Variants in CCNT2 observed in about 807,000 individuals in gnomAD.
CCNT2 encodes the protein cyclin-T2.
Under a neutral mutation model 70.0 loss-of-function variants are expected in CCNT2, and 18 were observed. That is an observed-to-expected ratio of 0.26 (90% CI 0.18 to 0.38). The LOEUF is 0.38. Ranked by LOEUF, CCNT2 falls within the 10% of genes least tolerant of loss-of-function variation. CCNT2 has a pLI of 1.00. For missense variants in CCNT2, 734 were observed against 890.2 expected, an observed-to-expected ratio of 0.82 and a Z score of 2.23; for synonymous variants, 334 against 313.3, an observed-to-expected ratio of 1.07 and a Z score of -0.70.
chr2:134,926,314 C>T (rs973662342), intron 2 of CCNT2, among the ~76,000 whole-genome samples: 2 of 152,150 alleles, frequency 1.3e-5, no homozygotes, highest in African/African-American at 2.4e-5. Flanking sequence ...ACAGAGCTCC[C>T]TTTTCTGTTA....
At chr2:134,935,297 A>C (rs947379027) in intron 2 of CCNT2, among the ~76,000 whole-genome samples, 1 of 152,356 alleles carries the variant, frequency 6.6e-6, no homozygotes, top group African/African-American at 2.4e-5. Context: ...GCCAAACTCT[A>C]TTTTACATCT....
chr2:134,927,370 A>G (rs1050850764), intron 2 of CCNT2, among the ~76,000 whole-genome samples: 1 of 152,034 alleles, frequency 6.6e-6, no homozygotes, highest in African/African-American at 2.4e-5. Context: ...ACACAGATAC[A>G]TGTATATTTT....
Position 134,938,208 on chromosome 2 carries a change from CTG to C in CCNT2, c.370-792_370-791del, listed in dbSNP as rs971518543. Among the ~76,000 whole-genome samples the C allele has an allele frequency of 3.3e-5, 5 of 152,194 alleles. No individual in the cohort carries two copies. The East Asian group carries it at 5.8e-4, about 18-fold the overall frequency. On this transcript the variant is annotated intron_variant, in intron 3 of 8. Coordinates refer to ENST00000264157, the MANE Select transcript of CCNT2 (RefSeq NM_058241.3). ...GTACTGTTTAAATAATAGAAATTGA[CTG>C]TTTTAAAAATCAGCTCAATGACCTT... is the stretch of plus-strand genomic sequence containing the variant.
In CCNT2 at chr2:134,953,573, C is replaced by G; in HGVS notation, c.1118C>G (p.Ser373Cys). ...TCACAGAAACAGGAGACATCTTTGT[C>G]TGGTAGCCAGTACAACATCAACTTC... ...LYSQKQETSL[S>C]GSQYNINFQQ... is the part of the protein sequence containing the mutation. Residue 373 changes from serine to cysteine, a missense_variant, in exon 9 of 9, where the codon TCT becomes TGT. This residue lies in a region of CCNT2 where 532 missense variants were observed against 556.9 expected (regional missense o/e 0.96). Coordinates refer to ENST00000264157, the MANE Select transcript of CCNT2 (RefSeq NM_058241.3). 6.2e-7 allele frequency: 1 copy of G among 1,614,126 alleles called. No individual in the cohort carries two copies. Among genetic ancestry groups the G allele is most frequent in the Non-Finnish European group, 8.5e-7 (1 of 1,179,984 alleles).
intron 2 of CCNT2, among the ~76,000 whole-genome samples, chr2:134,921,964 T>C (rs1027275775): frequency 2.6e-5 from 4 of 152,306 alleles, no homozygotes; most frequent in African/African-American, 9.6e-5. Context: ...ATCTGTTGTC[T>C]TTTTTTACCT....
intron 7 of CCNT2, among the ~76,000 whole-genome samples, chr2:134,949,577 A>G (rs772808964): frequency 3.3e-5 from 5 of 152,166 alleles, no homozygotes; most frequent in African/African-American, 4.8e-5. Flanking sequence ...CCCAGAATAT[A>G]TATCTCATGC....
chr2:134,945,920 G>C, intron 5 of CCNT2, 181 bp from the exon 6 acceptor site: 1 of 1,531,290 alleles, frequency 6.5e-7, no homozygotes, highest in East Asian at 2.5e-5. Flanking sequence ...ACATTTGAGT[G>C]AATGTTGTTG....
chr2:134,946,307 A>G, intron 6 of CCNT2, 161 bp downstream of exon 6: 1 of 1,175,670 alleles, frequency 8.5e-7, no homozygotes, highest in Non-Finnish European at 1.2e-6. Flanking sequence ...TGTACAAGGG[A>G]CTTTGGGCAC....
At chr2:134,948,649 G>T (rs1279623732) in intron 7 of CCNT2, among the ~76,000 whole-genome samples, 1 of 152,062 alleles carries the variant, frequency 6.6e-6, no homozygotes, top group East Asian at 1.9e-4. Flanking sequence ...AAGCCGGCCA[G>T]AAATGGGAGA....
chr2:134,942,619 G>A lies in CCNT2; in HGVS notation c.438G>A (p.Glu146=). ...AAGTGCTTATCATTTCAGGTTTTGA[G>A]ATCACCATTGAACACCCACACACAG... ...ETIMLQTLGF[E]ITIEHPHTDV... The change falls in exon 5 of 9, where the codon GAG becomes GAA. Residue 146 remains glutamate, a synonymous_variant. Transcript: ENST00000264157. 6.2e-7 allele frequency: 1 copy of A among 1,610,394 alleles called. No individual in the cohort carries two copies. The highest frequency in any genetic ancestry group is 1.1e-5 in the South Asian group (1 of 90,470).
chr2:134,952,683 A>G lies in CCNT2; in HGVS notation c.746A>G (p.Asn249Ser). 1 of 1,606,988 alleles carries G rather than the reference A, an allele frequency of 6.2e-7. No individual in the cohort carries two copies. The highest frequency in any genetic ancestry group is 1.1e-5 in the South Asian group (1 of 89,904). The change falls in exon 8 of 9, where the codon AAT (asparagine) becomes AGT (serine). Residue 249 changes from asparagine (N) to serine (S), a missense_variant. Around this residue, in one of 3 missense-constraint regions of CCNT2, gnomAD observed 161 missense variants for 303.8 expected, o/e 0.53. Coordinates refer to ENST00000264157, the MANE Select transcript of CCNT2 (RefSeq NM_058241.3). ...CTACAAATATTGGAGAAAACGCCTA[A>G]TAGGTTGAAGAAGATTCGAAACTGG... ...EFLQILEKTPNRLKKIRNWRA... is the reference protein window; with the variant it reads ...EFLQILEKTPSRLKKIRNWRA...
Position 134,919,760 on chromosome 2 carries a change from G to A in CCNT2, c.159-50G>A, listed in dbSNP as rs367672272. 108 of 1,389,244 alleles carry A rather than the reference G, an allele frequency of 7.8e-5. No homozygotes were observed. The African/African-American group carries it at 1.4e-3, about 18-fold the overall frequency. The allele number at this position is 1,389,244 out of a possible 1,614,324, so 86.1% of individuals were successfully genotyped here. Reference sequence around the variant, plus strand: ...GGGAATTTTCCATCAAAATTGTTCTGGGAATGAGATCTTGCTTTTGTCAGA... The same window carrying A: ...GGGAATTTTCCATCAAAATTGTTCTAGGAATGAGATCTTGCTTTTGTCAGA... On this transcript the variant is annotated intron_variant, in intron 1 of 8. Coordinates refer to ENST00000264157, the MANE Select transcript of CCNT2 (RefSeq NM_058241.3).
chr2:134,931,024 G>A lies in CCNT2; in HGVS notation c.241-5817G>A, dbSNP rs151218343. The stretch of plus-strand genomic sequence containing the variant: ...GTCCCTCAGGCTGGAGTGCAGTGGC[G>A]CCATCTGGGCTCACTGCGTGCTCCA... On this transcript the variant is annotated intron_variant, in intron 2 of 8. Coordinates refer to ENST00000264157, the MANE Select transcript of CCNT2 (RefSeq NM_058241.3). Among the ~76,000 whole-genome samples, 1,145 of 150,642 alleles carry A rather than the reference G, an allele frequency of 7.6e-3. 12 individuals carry two copies. Among genetic ancestry groups the A allele is most frequent in the African/African-American group, 0.024 (996 of 40,932 alleles).
chr2:134,919,437 A>T (rs1157159675), intron 1 of CCNT2, among the ~76,000 whole-genome samples: 1 of 152,112 alleles, frequency 6.6e-6, no homozygotes, highest in Non-Finnish European at 1.5e-5. Flanking sequence ...CGCCGGCTTG[A>T]TGGCGGCTCT....
intron 2 of CCNT2, among the ~76,000 whole-genome samples, chr2:134,929,635 G>GAGAGAGAGAGA (rs1162062330): frequency 7.7e-6 from 1 of 129,898 alleles, no homozygotes; most frequent in Non-Finnish European, 1.6e-5. Context: ...GAGAGAGAGA[G>GAGAGAGAGAGA]AACTAATAAA....
intron 2 of CCNT2, among the ~76,000 whole-genome samples, chr2:134,921,985 A>T (rs1679944179): frequency 6.6e-6 from 1 of 152,150 alleles, no homozygotes; most frequent in Admixed American, 6.5e-5. Flanking sequence ...TTGCTATTAT[A>T]ATATCAAAAG....
rs762297657 is a variant in CCNT2, at chr2:134,953,938, A to G, written c.1483A>G (p.Met495Val). ...ACCTATCGCAAATACTGAAAAATAC[A>G]TGGCAGACAAAAAGGAAAAGAGTGG... Reference protein sequence around the residue: ...KIPIANTEKYMADKKEKSGSL... With the variant: ...KIPIANTEKYVADKKEKSGSL... The change falls in exon 9 of 9, where the codon ATG (methionine) becomes GTG (valine). Residue 495 changes from methionine (M) to valine (V), a missense_variant. Physicochemically the swap from Met to Val is conservative, Grantham distance 21. This residue lies in a region of CCNT2 where 532 missense variants were observed against 556.9 expected (regional missense o/e 0.96). Transcript: ENST00000264157. 1.9e-6 allele frequency: 3 copies of G among 1,614,026 alleles called. No individual in the cohort carries two copies. The highest frequency in any genetic ancestry group is 2.2e-5 in the East Asian group (1 of 44,882).
Position 134,954,123 on chromosome 2 carries a change from T to C in CCNT2, c.1668T>C (p.His556=). The C allele has an allele frequency of 6.2e-7, 1 of 1,614,064 alleles. No homozygotes were observed. Among genetic ancestry groups the C allele is most frequent in the Non-Finnish European group, 8.5e-7 (1 of 1,180,014 alleles). ...CAAGCCCACATATTAGCAGAGACCA[T>C]AAGGAGAAGCACAAGGAGCATCCTT... ...KHSSPHISRD[H]KEKHKEHPSS... Residue 556 remains histidine (H), a synonymous_variant, in exon 9 of 9, where the codon CAT becomes CAC. Coordinates refer to ENST00000264157, the MANE Select transcript of CCNT2 (RefSeq NM_058241.3).
chr2:134,943,648 G>C, intron 5 of CCNT2: 3 of 984,404 alleles, frequency 3.0e-6, no homozygotes, highest in Non-Finnish European at 3.6e-6. Context: ...GGTAGTATCT[G>C]ATACAGCATT....
Sources: allele counts gnomAD v4.1 joint callset (sites outside exome capture counted in the v4.1 genomes callset), GRCh38; gene constraint gnomAD v4.1.1; regional missense constraint gnomAD v4.1.1; transcripts MANE v1.5; gene names NCBI Gene and HGNC (gene_info 2026-07-23, HGNC 2026-07-21).